Variants in BRD4 observed in about 807,000 individuals in gnomAD.
BRD4 encodes bromodomain-containing protein 4.
Under a neutral mutation model 142.1 loss-of-function variants are expected in BRD4, and 16 were observed. That is an observed-to-expected ratio of 0.11 (90% CI 0.08 to 0.17). The LOEUF (loss-of-function observed/expected upper bound fraction) is 0.17. Among genes scored for constraint, BRD4 ranks in the 10% least tolerant of loss-of-function variants. The pLI is 1.00. For synonymous variants in BRD4, 833 were observed against 707.5 expected, an observed-to-expected ratio of 1.18 and a Z score of -2.82; for missense variants, 1,424 against 1,810.9, an observed-to-expected ratio of 0.79 and a Z score of 3.88.
rs2145512331 is a variant in BRD4, at chr19:15,243,450, G to A, written c.2619C>T (p.Pro873=). 2 of 1,577,318 alleles carry A rather than the reference G, an allele frequency of 1.3e-6. No individual in the cohort carries two copies. Among genetic ancestry groups the A allele is most frequent in the Non-Finnish European group, 1.7e-6 (2 of 1,164,102 alleles). ...GAGGCAGGGCAGCGGCTCGGTTGCT[G>A]GGCCGTGATGGCTGCTGGGGTAGTG... ...HNALPQQPSR[P]SNRAAALPPK... is the part of the protein sequence containing the mutation. The change falls in exon 14 of 20, where the codon CCC becomes CCT. Residue 873 remains proline (P), a synonymous_variant. Coordinates refer to ENST00000679869, the MANE Select transcript of BRD4 (RefSeq NM_001379291.1).
intron 1 of BRD4, among the ~76,000 whole-genome samples, chr19:15,277,170 T>G (rs1228683773): frequency 6.6e-6 from 1 of 152,148 alleles, no homozygotes. Context: ...TAGCTGAAGG[T>G]CAAGGAAAAG....
At position 15,237,887 on chromosome 19, in the gene BRD4, C is replaced by T. The variant is rs962828463; in HGVS notation, c.*490G>A. ...TGCCAGCGAGGGGGTGGGCCGGCCT[C>T]GCCCGCCTCCAGCCCACGCAGGCCT... On this transcript the variant is annotated 3_prime_UTR_variant, in exon 20 of 20. Transcript: ENST00000679869. The T allele has an allele frequency of 7.1e-5, 17 of 237,996 alleles. No homozygotes were observed. The highest frequency in any genetic ancestry group is 3.1e-4 in the African/African-American group (14 of 45,344). 14.7% of individuals were successfully genotyped at this position (237,996 alleles called of 1,614,324 possible). A position where few individuals can be genotyped will look rare whatever the true frequency, so the allele number is the denominator to read the frequency against.
At chr19:15,322,342 GC>G (rs1228467601) in intron 1 of BRD4, among the ~76,000 whole-genome samples, 1 of 151,986 alleles carries the variant, frequency 6.6e-6, no homozygotes. Flanking sequence ...CACGATCTCG[GC>G]TCACTGCAAG....
chr19:15,290,231 G>A (rs1196433904), intron 1 of BRD4, among the ~76,000 whole-genome samples: 1 of 152,142 alleles, frequency 6.6e-6, no homozygotes, highest in Admixed American at 6.5e-5. Flanking sequence ...AACACCAAGA[G>A]TAAGCTGACT....
chr19:15,243,185 G>A lies in BRD4; in HGVS notation c.2884C>T (p.Pro962Ser). 3.7e-6 allele frequency: 4 copies of A among 1,068,308 alleles called. No homozygotes were observed. Among genetic ancestry groups the A allele is most frequent in the Non-Finnish European group, 5.2e-6 (4 of 775,552 alleles). 66.2% of individuals were successfully genotyped at this position (1,068,308 alleles called of 1,614,324 possible). A position where few individuals can be genotyped will look rare whatever the true frequency, so the allele number is the denominator to read the frequency against. The stretch of plus-strand genomic sequence containing the variant: ...AGCTGCTGCTGCACAGAGGGGTGGG[G>A]TGGGGGCGGCAGGGGGGGTGGGGGC... ...SQPPPPLPPP[P>S]HPSVQQQLQQ... The change falls in exon 14 of 20, where the codon CCC becomes TCC. Residue 962 changes from proline to serine, a missense_variant. Physicochemically the swap from Pro to Ser is moderately conservative, Grantham distance 74. Coordinates refer to ENST00000679869, the MANE Select transcript of BRD4 (RefSeq NM_001379291.1).
At chr19:15,281,482 T>C (rs1394247547) in intron 1 of BRD4, among the ~76,000 whole-genome samples, 2 of 152,170 alleles carry the variant, frequency 1.3e-5, no homozygotes, top group African/African-American at 2.4e-5. Flanking sequence ...CTCTCTGCTT[T>C]TGAAACTCAT....
intron 11 of BRD4, among the ~76,000 whole-genome samples, chr19:15,250,206 C>T (rs1014635354): frequency 5.3e-5 from 8 of 152,246 alleles, no homozygotes; most frequent in African/African-American, 1.7e-4. Flanking sequence ...GCCCCAGAAT[C>T]CCTCCAGCTG....
chr19:15,310,645 C>T (rs2047961945), intron 1 of BRD4, among the ~76,000 whole-genome samples: 2 of 152,038 alleles, frequency 1.3e-5, no homozygotes, highest in South Asian at 4.2e-4. Flanking sequence ...AGGCGTGAGC[C>T]ACCGCGCCTG....
intron 1 of BRD4, among the ~76,000 whole-genome samples, chr19:15,315,516 G>C (rs746453566): frequency 1.3e-5 from 2 of 152,110 alleles, no homozygotes; most frequent in Non-Finnish European, 2.9e-5. Flanking sequence ...GGATTGGGGG[G>C]GGGAAGCACC....
chr19:15,284,513 C>G (rs953942219), intron 1 of BRD4, among the ~76,000 whole-genome samples: 18 of 152,164 alleles, frequency 1.2e-4, no homozygotes, highest in African/African-American at 3.9e-4. Context: ...TTTACAGAAG[C>G]CTTTGATGGT....
chr19:15,280,133 G>A (rs1354027568), intron 1 of BRD4: 13 of 514,482 alleles, frequency 2.5e-5, no homozygotes, highest in Non-Finnish European at 3.3e-5. Context: ...TAAAAAGCAG[G>A]CTGCGACTTT....
intron 1 of BRD4, among the ~76,000 whole-genome samples, chr19:15,314,350 T>C (rs2047998851): frequency 6.6e-6 from 1 of 152,212 alleles, no homozygotes. Context: ...GATACTTATC[T>C]AGGTCACTAG....
chr19:15,251,355 C>T (rs2047341765), intron 11 of BRD4, among the ~76,000 whole-genome samples: 1 of 144,372 alleles, frequency 6.9e-6, no homozygotes, highest in Admixed American at 7.5e-5. Context: ...GGGCCGTTGT[C>T]AGCGGAACTA....
At chr19:15,242,823 A>C in intron 14 of BRD4, 77 bp downstream of exon 14, 8 of 1,544,822 alleles carry the variant, frequency 5.2e-6, no homozygotes, top group Non-Finnish European at 6.1e-6. Context: ...GCATGAGTTA[A>C]CCCTTCTGGC....
intron 11 of BRD4, chr19:15,247,346 A>G: frequency 4.3e-6 from 1 of 231,740 alleles, no homozygotes; most frequent in East Asian, 6.1e-5. Context: ...GAGGCTGCCA[A>G]CAAGAAGTGA....
intron 1 of BRD4, among the ~76,000 whole-genome samples, chr19:15,285,415 G>A (rs529681840): frequency 9.8e-5 from 15 of 152,294 alleles, no homozygotes; most frequent in Admixed American, 4.6e-4. Flanking sequence ...GCTTGGTGGT[G>A]CACGCCTGTG....
At chr19:15,307,733 G>A (rs757551258) in intron 1 of BRD4, among the ~76,000 whole-genome samples, 7 of 152,094 alleles carry the variant, frequency 4.6e-5, no homozygotes, top group African/African-American at 7.2e-5. Flanking sequence ...ATATTGCATG[G>A]TGCCAATCAG....
intron 14 of BRD4, among the ~76,000 whole-genome samples, chr19:15,242,294 G>A (rs185955578): frequency 4.6e-5 from 7 of 152,284 alleles, no homozygotes; most frequent in Admixed American, 3.9e-4. Flanking sequence ...ATCCCCTGCC[G>A]GAGCCAGCCA....
intron 1 of BRD4, among the ~76,000 whole-genome samples, chr19:15,312,370 A>T (rs2047978886): frequency 6.6e-6 from 1 of 152,076 alleles, no homozygotes; most frequent in Admixed American, 6.6e-5. Flanking sequence ...GCGGTGGCTC[A>T]CACCTGTAAT....
Sources: allele counts gnomAD v4.1 joint callset (sites outside exome capture counted in the v4.1 genomes callset), GRCh38; gene constraint gnomAD v4.1.1; transcripts MANE v1.5; gene names NCBI Gene and HGNC (gene_info 2026-07-23, HGNC 2026-07-21).